The following AP2A2 variants were observed in gnomAD, a reference collection of about 807,000 sequenced individuals.
The protein encoded by AP2A2 is adaptor related protein complex 2 subunit alpha 2.
Under a neutral mutation model 104.2 loss-of-function variants are expected in AP2A2, and 32 were observed. That is an observed-to-expected ratio of 0.31 (90% CI 0.23 to 0.41). AP2A2 has a LOEUF of 0.41. Ranked by LOEUF, AP2A2 falls within the 10% of genes least tolerant of loss-of-function variation. AP2A2 has a pLI of 1.00. For synonymous variants in AP2A2, 539 were observed against 533.3 expected, an observed-to-expected ratio of 1.01 and a Z score of -0.15; for missense variants, 912 against 1,261.0, an observed-to-expected ratio of 0.72 and a Z score of 4.19.
At chr11:931,799 CTTG>C (rs1853300139) in intron 1 of AP2A2, among the ~76,000 whole-genome samples, 1 of 139,410 alleles carries the variant, frequency 7.2e-6, no homozygotes, top group Non-Finnish European at 1.5e-5. Context: ...CCTTCCATTT[CTTG>C]TTTTTTTTTT....
chr11:1,004,096 T>G (rs1257707149), intron 16 of AP2A2, among the ~76,000 whole-genome samples: 3 of 152,078 alleles, frequency 2.0e-5, no homozygotes, highest in Non-Finnish European at 4.4e-5. Flanking sequence ...AATAAGCACC[T>G]GAAAAGATGG....
At position 986,882 on chromosome 11, in the gene AP2A2, A is replaced by G. The variant is rs1462792987; in HGVS notation, c.1060A>G (p.Thr354Ala). Reference protein sequence around the residue: ...LRYLALESMCTLASSEFSHEA... With the variant: ...LRYLALESMCALASSEFSHEA... The stretch of plus-strand genomic sequence containing the variant: ...CTACCTGGCCCTGGAGAGCATGTGC[A>G]CGCTGGCCAGCTCTGAGTTCTCCCA... Residue 354 changes from threonine (T) to alanine (A), a missense_variant, in exon 9 of 22, where the codon ACG becomes GCG. By Grantham distance (58) the Thr-to-Ala change is moderately conservative. Coordinates refer to ENST00000448903, the MANE Select transcript of AP2A2 (RefSeq NM_012305.4). 2 of 1,609,116 alleles carry G rather than the reference A, an allele frequency of 1.2e-6. No homozygotes were observed. Among genetic ancestry groups the G allele is most frequent in the South Asian group, 1.1e-5 (1 of 89,698 alleles).
chr11:937,481 G>C (rs1853497216), intron 1 of AP2A2, among the ~76,000 whole-genome samples: 1 of 152,166 alleles, frequency 6.6e-6, no homozygotes, highest in African/African-American at 2.4e-5. Context: ...GGTGGTTCAT[G>C]CCTGTAATTC....
chr11:987,085 G>A lies in AP2A2; in HGVS notation c.1131+132G>A, dbSNP rs1855487199. The A allele has an allele frequency of 1.6e-5, 17 of 1,090,306 alleles. No individual in the cohort carries two copies. In the South Asian group the frequency reaches 2.0e-4, roughly 13 times the overall value. 67.5% of individuals were successfully genotyped at this position (1,090,306 alleles called of 1,614,324 possible). On this transcript the variant is annotated intron_variant, in intron 9 of 21. Transcript: ENST00000448903. ...GGTGGTGCTGGTGCTGCTGGCCTCC[G>A]CCTGTCACCTACTCTTGGGAGGTCA...
rs1855709417 is a variant in AP2A2 at position 992,939 on chromosome 11, A to T, written c.1452+254A>T. ...GAAAGCCGGCCTCTGTGTGTGTGAG[A>T]GCATGCTGGGGCATGCCGTGGTGGG... On this transcript the variant is annotated intron_variant, in intron 11 of 21. Coordinates refer to ENST00000448903, the MANE Select transcript of AP2A2 (RefSeq NM_012305.4). The surrounding 1 kb of genome is among the most constrained non-coding windows in gnomAD (Gnocchi z 6.4). Among the ~76,000 whole-genome samples, 1 of 151,954 alleles carries T rather than the reference A, an allele frequency of 6.6e-6. No homozygotes were observed. Among genetic ancestry groups the T allele is most frequent in the South Asian group, 2.1e-4 (1 of 4,814 alleles).
intron 8 of AP2A2, 125 bp downstream of exon 8, chr11:985,707 C>T (rs1855432161): frequency 3.0e-6 from 4 of 1,338,362 alleles, no homozygotes; most frequent in African/African-American, 3.0e-5. Flanking sequence ...CGTCCTGCCT[C>T]TGTGCTCCCT....
At chr11:976,436 A>G (rs1310637353) in intron 4 of AP2A2, among the ~76,000 whole-genome samples, 1 of 152,034 alleles carries the variant, frequency 6.6e-6, no homozygotes, top group Admixed American at 6.5e-5. Flanking sequence ...GCCCTTTTTC[A>G]GCTGTGCCTC....
intron 5 of AP2A2, 90 bp from the exon 6 acceptor site, chr11:981,108 C>G (rs762074288): frequency 2.1e-5 from 23 of 1,093,914 alleles, no homozygotes; most frequent in Non-Finnish European, 2.9e-5. Context: ...CACTGTGCTG[C>G]TGGTTGGTTT....
At chr11:958,521 G>A (rs1189609269) in intron 1 of AP2A2, among the ~76,000 whole-genome samples, 1 of 152,194 alleles carries the variant, frequency 6.6e-6, no homozygotes, top group African/African-American at 2.4e-5. Context: ...AAGCCAAAAA[G>A]AAAGACTATT....
At position 1,000,547 on chromosome 11, in the gene AP2A2, C is replaced by T. The variant is rs1286659177; in HGVS notation, c.2072C>T (p.Ser691Leu). 52 of 1,549,904 alleles carry T rather than the reference C, an allele frequency of 3.4e-5. 1 individual carries two copies. Among genetic ancestry groups the T allele is most frequent in the African/African-American group, 1.8e-4 (13 of 73,612 alleles). Residue 691 changes from serine (S) to leucine (L), a missense_variant, in exon 15 of 22, where the codon TCG becomes TTG. Ser to Leu is a moderately radical substitution (Grantham distance 145). Coordinates refer to ENST00000448903, the MANE Select transcript of AP2A2 (RefSeq NM_012305.4). ...SGLLVDVFSDSASVVAPLAPG... is the reference protein window; with the variant it reads ...SGLLVDVFSDLASVVAPLAPG... ...CTGCTCGTGGACGTGTTCTCAGACTCGGCCTCTGTGGTCGCGCCTCTCGCT... is the reference window on the plus strand; with the variant it reads ...CTGCTCGTGGACGTGTTCTCAGACTTGGCCTCTGTGGTCGCGCCTCTCGCT...
chr11:995,664 C>T (rs1477194975), intron 14 of AP2A2, among the ~76,000 whole-genome samples: 6 of 144,984 alleles, frequency 4.1e-5, no homozygotes, highest in Admixed American at 2.8e-4. Flanking sequence ...CCCCTCTGGC[C>T]GACAGTGCAG....
At chr11:989,020 A>G (rs1255957464) in intron 10 of AP2A2, among the ~76,000 whole-genome samples, 1 of 151,996 alleles carries the variant, frequency 6.6e-6, no homozygotes, top group Admixed American at 6.6e-5. Context: ...TTTTTGGTAG[A>G]GTCGTTTGGT....
Position 994,063 on chromosome 11 carries a change from C to G in AP2A2, c.1783-9C>G. ...GCTCTGACCAGTCCCACCCTGTGTTCTTTCCAAGGCGACCGTGCTGGAGGA... is the reference window on the plus strand; with the variant it reads ...GCTCTGACCAGTCCCACCCTGTGTTGTTTCCAAGGCGACCGTGCTGGAGGA... On this transcript the variant is annotated splice_polypyrimidine_tract_variant and intron_variant, in intron 13 of 21. Transcript: ENST00000448903. 6.2e-7 allele frequency: 1 copy of G among 1,612,268 alleles called. No homozygotes were observed. The highest frequency in any genetic ancestry group is 8.5e-7 in the Non-Finnish European group (1 of 1,179,502).
rs1357913161 is a variant in AP2A2, at chr11:972,162, T to A, written c.380T>A (p.Phe127Tyr). The change falls in exon 4 of 22, where the codon TTC (phenylalanine) becomes TAC (tyrosine). Residue 127 changes from phenylalanine (F) to tyrosine (Y), a missense_variant. Coordinates refer to ENST00000448903, the MANE Select transcript of AP2A2 (RefSeq NM_012305.4). ...KNDLASRNPT[F>Y]MGLALHCIAS... ...GACCTGGCCAGCCGCAACCCCACCT[T>A]CATGGGCCTGGCCCTGCACTGCATC... 1 of 1,613,470 alleles carries A rather than the reference T, an allele frequency of 6.2e-7. No homozygotes were observed. Among genetic ancestry groups the A allele is most frequent in the South Asian group, 1.1e-5 (1 of 91,024 alleles).
rs75624079 is a variant in AP2A2 at position 991,017 on chromosome 11, C to T, written c.1270-1486C>T. Among the ~76,000 whole-genome samples the T allele has an allele frequency of 1.7e-3, 253 of 150,500 alleles. 6 individuals are homozygous for T. The East Asian group carries it at 0.045, about 27-fold the overall frequency. ...CCTTTTAGCCGGGCATGGTGCTCCC[C>T]TCCATCCTTTCAGCCGGGCACGATG... On this transcript the variant is annotated intron_variant, in intron 10 of 21. Coordinates refer to ENST00000448903, the MANE Select transcript of AP2A2 (RefSeq NM_012305.4).
intron 1 of AP2A2, among the ~76,000 whole-genome samples, chr11:930,692 T>C (rs11604527): frequency 0.076 from 11,610 of 152,096 alleles, 476 homozygotes; most frequent in South Asian, 0.11. Context: ...GGCTAATTTT[T>C]TGTATTTTTA....
In AP2A2 at chr11:1,000,544, A is replaced by G. The variant is rs1433884439; in HGVS notation, c.2069A>G (p.Asp690Gly). ...GSGLLVDVFS[D>G]SASVVAPLAP... is the part of the protein sequence containing the mutation. ...GGGCTGCTCGTGGACGTGTTCTCAGACTCGGCCTCTGTGGTCGCGCCTCTC... is the reference window on the plus strand; with the variant it reads ...GGGCTGCTCGTGGACGTGTTCTCAGGCTCGGCCTCTGTGGTCGCGCCTCTC... The change falls in exon 15 of 22, where the codon GAC becomes GGC. Residue 690 changes from aspartate to glycine, a missense_variant. By Grantham distance (94) the Asp-to-Gly change is moderately conservative. Coordinates refer to ENST00000448903, the MANE Select transcript of AP2A2 (RefSeq NM_012305.4). 6.5e-7 allele frequency: 1 copy of G among 1,548,118 alleles called. No homozygotes were observed. Among genetic ancestry groups the G allele is most frequent in the South Asian group, 1.2e-5 (1 of 84,636 alleles).
At chr11:1,002,238 TCG>T (rs1234124145) in intron 15 of AP2A2, among the ~76,000 whole-genome samples, 1 of 152,250 alleles carries the variant, frequency 6.6e-6, no homozygotes, top group Non-Finnish European at 1.5e-5. Flanking sequence ...CCGTGGCCCC[TCG>T]CGTGGAGTGC....
chr11:1,007,726 A>G (rs1856258182), intron 17 of AP2A2: 2 of 512,242 alleles, frequency 3.9e-6, no homozygotes, highest in South Asian at 4.3e-5. Context: ...TTGTGTGTGT[A>G]AGACCCAGAG....
Sources: gnomAD v4.1 joint callset for allele counts (sites outside exome capture counted in the v4.1 genomes callset) on GRCh38, gnomAD v4.1.1 for gene constraint, Gnocchi (gnomAD v3.1) non-coding constraint, MANE v1.5 for transcripts, NCBI Gene and HGNC (gene_info 2026-07-23, HGNC 2026-07-21) for gene names.